The following ATP8A2 variants were observed in gnomAD, a reference collection of about 807,000 sequenced individuals.
The protein encoded by ATP8A2 is ATPase phospholipid transporting 8A2.
Under a neutral mutation model 165.6 loss-of-function variants are expected in ATP8A2, and 100 were observed. The ratio of observed to expected loss-of-function variants is 0.60; its 90% CI spans 0.51 to 0.71. The LOEUF (loss-of-function observed/expected upper bound fraction) is 0.71, where lower values mean the gene tolerates loss of function less well. Among genes scored for constraint, ATP8A2 ranks in the 30% least tolerant of loss-of-function variants. ATP8A2 has a pLI of 0.00. For missense variants in ATP8A2, 1,227 were observed against 1,479.5 expected, an observed-to-expected ratio of 0.83 and a Z score of 2.80; for synonymous variants, 543 against 548.8, an observed-to-expected ratio of 0.99 and a Z score of 0.15.
intron 33 of ATP8A2, among the ~76,000 whole-genome samples, chr13:25,929,186 G>A (rs183310159): frequency 2.0e-4 from 30 of 152,236 alleles, no homozygotes; most frequent in African/African-American, 5.1e-4. Context: ...GTAAATGTGC[G>A]TGACCATGTG....
intron 2 of ATP8A2, among the ~76,000 whole-genome samples, chr13:25,486,664 A>T (rs1389714283): frequency 6.6e-6 from 1 of 150,716 alleles, no homozygotes; most frequent in East Asian, 1.9e-4. Context: ...CCCGTGGAAC[A>T]ATTGTTACAA....
intron 33 of ATP8A2, among the ~76,000 whole-genome samples, chr13:25,880,092 G>A (rs1952933627): frequency 6.6e-6 from 1 of 152,186 alleles, no homozygotes; most frequent in Non-Finnish European, 1.5e-5. Context: ...GGAGTGGCCT[G>A]TCCATGGGGT....
chr13:25,728,154 TA>T (rs1168563931), intron 25 of ATP8A2, among the ~76,000 whole-genome samples: 1 of 152,228 alleles, frequency 6.6e-6, no homozygotes, highest in East Asian at 1.9e-4. Context: ...TTATAAAATG[TA>T]AAAACTTGGA....
At chr13:25,656,695 C>A (rs1057107281) in intron 24 of ATP8A2, among the ~76,000 whole-genome samples, 1 of 149,594 alleles carries the variant, frequency 6.7e-6, no homozygotes, top group Non-Finnish European at 1.5e-5. Flanking sequence ...GAGCTGAGAT[C>A]GTGCCACTGC....
At chr13:25,410,642 C>T (rs2033939790) in intron 1 of ATP8A2, among the ~76,000 whole-genome samples, 1 of 152,206 alleles carries the variant, frequency 6.6e-6, no homozygotes, top group African/African-American at 2.4e-5. Flanking sequence ...CTAAGCTTTG[C>T]AGTAAGGGCT....
intron 1 of ATP8A2, among the ~76,000 whole-genome samples, chr13:25,467,292 C>G (rs2035694715): frequency 6.6e-6 from 1 of 152,186 alleles, no homozygotes; most frequent in African/African-American, 2.4e-5. Context: ...GAGCCTGCAC[C>G]CACTAGGCGT....
intron 24 of ATP8A2, among the ~76,000 whole-genome samples, chr13:25,594,427 A>C (rs1014453077): frequency 2.0e-5 from 3 of 152,014 alleles, no homozygotes; most frequent in Admixed American, 6.6e-5. Flanking sequence ...TGTATTTAAA[A>C]AATTTTTTAT....
At chr13:25,865,129 G>C (rs1221903736) in intron 33 of ATP8A2, among the ~76,000 whole-genome samples, 1 of 152,156 alleles carries the variant, frequency 6.6e-6, no homozygotes, top group Admixed American at 6.5e-5. Context: ...TAAAAAAGAG[G>C]AACTGGGTTC....
At chr13:25,474,405 CA>C (rs1329785882) in intron 2 of ATP8A2, among the ~76,000 whole-genome samples, 1 of 151,510 alleles carries the variant, frequency 6.6e-6, no homozygotes, top group Non-Finnish European at 1.5e-5. Context: ...ACTAAAAATA[CA>C]AAAAAATTAG....
At chr13:26,013,978 A>G (rs935350047) in intron 36 of ATP8A2, among the ~76,000 whole-genome samples, 8 of 152,230 alleles carry the variant, frequency 5.3e-5, no homozygotes, top group Admixed American at 1.3e-4. Context: ...GACACAAAGC[A>G]GAGGCTCAGG....
At chr13:25,511,572 G>A (rs1458950172) in intron 2 of ATP8A2, among the ~76,000 whole-genome samples, 1 of 152,160 alleles carries the variant, frequency 6.6e-6, no homozygotes, top group African/African-American at 2.4e-5. Flanking sequence ...GTGAAAAGTA[G>A]ATGTGAGTGT....
At chr13:25,856,731 T>C (rs140225761) in intron 30 of ATP8A2, among the ~76,000 whole-genome samples, 229 of 152,322 alleles carry the variant, frequency 1.5e-3, no homozygotes, top group African/African-American at 5.2e-3. Context: ...TCTGTGCTCA[T>C]TAAGCAATAA....
At chr13:25,934,566 C>T (rs916783885) in intron 33 of ATP8A2, among the ~76,000 whole-genome samples, 2 of 152,198 alleles carry the variant, frequency 1.3e-5, no homozygotes, top group Admixed American at 6.5e-5. Context: ...GGATAACGCT[C>T]TTGTGGTAAG....
At chr13:25,642,597 G>T (rs1156807519) in intron 24 of ATP8A2, among the ~76,000 whole-genome samples, 1 of 152,150 alleles carries the variant, frequency 6.6e-6, no homozygotes, top group African/African-American at 2.4e-5. Context: ...GAAACAACAG[G>T]TGCTGGACAG....
intron 2 of ATP8A2, among the ~76,000 whole-genome samples, chr13:25,480,896 G>A (rs960437995): frequency 2.0e-5 from 3 of 152,112 alleles, no homozygotes; most frequent in Admixed American, 2.0e-4. Flanking sequence ...GACACCGTCT[G>A]CAATCCTGGC....
intron 24 of ATP8A2, among the ~76,000 whole-genome samples, chr13:25,690,709 C>T (rs1190339803): frequency 6.6e-6 from 1 of 152,140 alleles, no homozygotes; most frequent in Non-Finnish European, 1.5e-5. Context: ...TGGCAGAGCT[C>T]ACCTGTGAGC....
intron 2 of ATP8A2, among the ~76,000 whole-genome samples, chr13:25,525,771 A>T (rs2037823254): frequency 6.6e-6 from 1 of 152,106 alleles, no homozygotes; most frequent in Non-Finnish European, 1.5e-5. Flanking sequence ...TGATTATTAC[A>T]TGCCTTGGTG....
At chr13:25,706,088 A>G (rs1032843255) in intron 25 of ATP8A2, among the ~76,000 whole-genome samples, 1 of 152,198 alleles carries the variant, frequency 6.6e-6, no homozygotes, top group African/African-American at 2.4e-5. Flanking sequence ...AGTAAGATGA[A>G]TTGGCTTAGA....
At chr13:25,579,618 G>T (rs1241192730) in intron 21 of ATP8A2, among the ~76,000 whole-genome samples, 190 bp from the exon 22 acceptor site, 2 of 152,180 alleles carry the variant, frequency 1.3e-5, no homozygotes, top group East Asian at 3.9e-4. Context: ...GGAAGAGGTA[G>T]TTTATGTTAG....
Sources: gnomAD v4.1 joint callset for allele counts (sites outside exome capture counted in the v4.1 genomes callset) on GRCh38, gnomAD v4.1.1 for gene constraint, MANE v1.5 for transcripts, NCBI Gene and HGNC (gene_info 2026-07-23, HGNC 2026-07-21) for gene names.